GLYATL2: variants seen among roughly 807,000 people sequenced by gnomAD.
GLYATL2 encodes glycine N-acyltransferase-like protein 2.
GLYATL2 carries 25 observed loss-of-function variants against 21.4 expected under a neutral mutation model. The ratio of observed to expected loss-of-function variants is 1.17; its 90% confidence interval spans 0.85 to 1.63. GLYATL2 has a LOEUF of 1.63. GLYATL2 is among the 40% of genes most tolerant of loss of function. The probability of loss-of-function intolerance (pLI) is 0.00; values close to 1 mark genes in which losing one functional copy is unlikely to be tolerated. For synonymous variants in GLYATL2, 114 were observed against 118.2 expected (o/e 0.96, Z 0.23); for missense variants, 361 against 343.3 (o/e 1.05, Z -0.41).
chr11:58,882,296 C>T (rs954037960), intron 1 of GLYATL2, among the ~76,000 whole-genome samples: 4 of 152,134 alleles, frequency 2.6e-5, no homozygotes, highest in Admixed American at 6.6e-5. Flanking sequence ...GATGGTATCT[C>T]GTTGTGGTTT....
chr11:58,836,455 G>A (rs1853432543), intron 5 of GLYATL2, among the ~76,000 whole-genome samples: 1 of 151,872 alleles, frequency 6.6e-6, no homozygotes, highest in Non-Finnish European at 1.5e-5. Flanking sequence ...TATTTAGTAT[G>A]CATATTATTT....
chr11:58,869,128 T>G (rs1362089695), intron 1 of GLYATL2, among the ~76,000 whole-genome samples: 1 of 152,230 alleles, frequency 6.6e-6, no homozygotes, highest in African/African-American at 2.4e-5. Context: ...CCCAACTCAT[T>G]GAGTTTGTAC....
chr11:58,872,461 A>G (rs1011846961), intron 1 of GLYATL2, among the ~76,000 whole-genome samples: 1 of 152,204 alleles, frequency 6.6e-6, no homozygotes, highest in Non-Finnish European at 1.5e-5. Flanking sequence ...TGATTTTTGT[A>G]TAAGGTGTAA....
chr11:58,842,527 G>C (rs1853572870), intron 1 of GLYATL2, among the ~76,000 whole-genome samples: 1 of 150,086 alleles, frequency 6.7e-6, no homozygotes, highest in Non-Finnish European at 1.5e-5. Flanking sequence ...TGTGCGCCCT[G>C]TGATGGAAAG....
chr11:58,842,588 G>C (rs557115661), intron 1 of GLYATL2, among the ~76,000 whole-genome samples: 64 of 151,694 alleles, frequency 4.2e-4, no homozygotes, highest in African/African-American at 1.5e-3. Flanking sequence ...TACCAGGACA[G>C]GCTTCAGTCA....
upstream of GLYATL2, among the ~76,000 whole-genome samples, chr11:58,846,568 C>T (rs138695025): frequency 0.011 from 1,649 of 148,926 alleles, 63 homozygotes; most frequent in African/African-American, 0.041. Flanking sequence ...TCATTGCTGT[C>T]ATGTTAGACA....
At chr11:58,896,730 G>GT (rs1554980943) in intron 1 of GLYATL2, among the ~76,000 whole-genome samples, 2 of 151,826 alleles carry the variant, frequency 1.3e-5, no homozygotes, top group East Asian at 1.9e-4. Flanking sequence ...ACTTAAACGT[G>GT]TTTGTTTTGT....
upstream of GLYATL2, among the ~76,000 whole-genome samples, chr11:58,906,487 G>T (rs978301166): frequency 6.6e-6 from 1 of 152,062 alleles, no homozygotes; most frequent in Admixed American, 6.5e-5. Context: ...GTAGTGAGGG[G>T]GTGCTTTTTA....
At chr11:58,877,981 C>T (rs571216177) in intron 1 of GLYATL2, among the ~76,000 whole-genome samples, 12 of 152,300 alleles carry the variant, frequency 7.9e-5, no homozygotes, top group Admixed American at 7.8e-4. Context: ...TGGCCAATCC[C>T]AGCAGCCATA....
intron 3 of GLYATL2, 23 bp downstream of exon 3, chr11:58,838,238 T>C (rs752639684): frequency 4.1e-6 from 6 of 1,472,280 alleles, no homozygotes; most frequent in Non-Finnish European, 5.7e-6. Flanking sequence ...ACTACCCTCA[T>C]ATTCAGTAAC....
intron 1 of GLYATL2, among the ~76,000 whole-genome samples, chr11:58,868,701 C>G (rs987969186): frequency 6.7e-6 from 1 of 149,084 alleles, no homozygotes; most frequent in Non-Finnish European, 1.5e-5. Flanking sequence ...TCCTAAGCAG[C>G]TGCTTACCCA....
the GLYATL2 span, among the ~76,000 whole-genome samples, chr11:58,909,669 G>T: frequency 1.3e-5 from 2 of 152,168 alleles, no homozygotes; most frequent in Non-Finnish European, 2.9e-5. Context: ...GCATTTGATG[G>T]TATATAAGGA....
At chr11:58,886,119 G>A (rs1854434628) in intron 1 of GLYATL2, among the ~76,000 whole-genome samples, 1 of 152,190 alleles carries the variant, frequency 6.6e-6, no homozygotes, top group Non-Finnish European at 1.5e-5. Flanking sequence ...AGGAGGCTGA[G>A]GTGGGAGGAT....
chr11:58,879,992 G>A (rs2849855), intron 1 of GLYATL2, among the ~76,000 whole-genome samples: 132,103 of 151,790 alleles, frequency 0.87, 58,694 homozygotes, highest in Non-Finnish European at 0.96. Flanking sequence ...CCAAGTAGCC[G>A]GGAGTGCAGG....
rs771440003 is a variant in GLYATL2 at position 58,834,638 on chromosome 11, C to A, written c.676G>T (p.Gly226Cys). Residue 226 changes from glycine (G) to cysteine (C), a missense_variant, in exon 6 of 6, where the codon GGT becomes TGT. Coordinates refer to ENST00000287275, the MANE Select transcript of GLYATL2 (RefSeq NM_145016.4). ...VMEQSCELRM[G>C]YTVPKYRHQG... Reference sequence around the variant, plus strand: ...TGTCTGTATTTGGGGACAGTATAACCCATTCTCAACTCACAGGACTGTTCC... The same window carrying A: ...TGTCTGTATTTGGGGACAGTATAACACATTCTCAACTCACAGGACTGTTCC... 2.5e-6 allele frequency: 4 copies of A among 1,613,250 alleles called. No individual in the cohort carries two copies. The highest frequency in any genetic ancestry group is 1.3e-5 in the African/African-American group (1 of 74,868).
In GLYATL2 at chr11:58,854,911, A is replaced by G. The variant is rs115165758; in HGVS notation, n.61-16543T>C. On this transcript the variant is annotated intron_variant and non_coding_transcript_variant, in intron 1 of 4. Transcript: ENST00000533636. ...ATCCATAAGAAGCAATTTCTTATCC[A>G]TTCAGGTTTTATCATGAGATTGTAG... 5.3e-3 allele frequency among the ~76,000 whole-genome samples: 804 copies of G among 152,306 alleles called. 9 individuals are homozygous for G. Among genetic ancestry groups the G allele is most frequent in the African/African-American group, 0.019 (774 of 41,572 alleles).
At chr11:58,884,982 C>G (rs1354218290) in intron 1 of GLYATL2, 3 of 156,066 alleles carry the variant, frequency 1.9e-5, no homozygotes, top group Non-Finnish European at 4.4e-5. Flanking sequence ...TGCTGCTGGC[C>G]CTGTACGAAT....
At chr11:58,859,369 A>T (rs1853891327) in intron 1 of GLYATL2, among the ~76,000 whole-genome samples, 1 of 152,054 alleles carries the variant, frequency 6.6e-6, no homozygotes, top group Middle Eastern at 3.2e-3. Flanking sequence ...TATGGGTGTG[A>T]TAGAGTTTTT....
intron 1 of GLYATL2, among the ~76,000 whole-genome samples, chr11:58,903,207 G>A (rs1349821747): frequency 1.3e-5 from 2 of 152,194 alleles, no homozygotes; most frequent in East Asian, 3.9e-4. Flanking sequence ...GTGTACAGCA[G>A]TGCTGCTTGG....
Sources: allele counts gnomAD v4.1 joint callset (sites outside exome capture counted in the v4.1 genomes callset), GRCh38; gene constraint gnomAD v4.1.1; transcripts MANE v1.5; gene names NCBI Gene and HGNC (gene_info 2026-07-23, HGNC 2026-07-21).